The following ANKMY1 variants were observed in gnomAD, a reference collection of about 807,000 sequenced individuals.
The protein encoded by ANKMY1 is ankyrin repeat and MYND domain containing 1.
Under a neutral mutation model 102.0 loss-of-function variants are expected in ANKMY1, and 98 were observed. That is an observed-to-expected ratio of 0.96 (90% CI 0.82 to 1.14). ANKMY1 has a LOEUF of 1.14. Among genes scored for constraint, ANKMY1 ranks in the 50% most tolerant of loss-of-function variants. The pLI, the probability that ANKMY1 is intolerant of heterozygous loss-of-function variation, is 0.00. For missense variants in ANKMY1, 1,330 were observed against 1,347.6 expected, an observed-to-expected ratio of 0.99 and a Z score of 0.20; for synonymous variants, 582 against 559.9, an observed-to-expected ratio of 1.04 and a Z score of -0.56.
At chr2:240,561,042 C>G, upstream of ANKMY1, 1 of 1,516,168 alleles carries the variant, frequency 6.6e-7, no homozygotes. Context: ...GTACCTCATG[C>G]GGCACCGCGG....
intron 15 of ANKMY1, among the ~76,000 whole-genome samples, chr2:240,497,144 G>A (rs528898739): frequency 6.6e-6 from 1 of 151,478 alleles, no homozygotes; most frequent in Non-Finnish European, 1.5e-5. Context: ...GAATGGAGCC[G>A]CCACCTCCTC....
chr2:240,525,474 AG>A (rs1559325182), intron 7 of ANKMY1, among the ~76,000 whole-genome samples: 1 of 152,186 alleles, frequency 6.6e-6, no homozygotes. Context: ...GCTGCTATGC[AG>A]GAGATGAGTA....
rs1243150082 is a variant in ANKMY1, at chr2:240,498,195, A to G, written c.2806+1763T>C. On this transcript the variant is annotated intron_variant, in intron 15 of 17. Coordinates refer to ENST00000401804, the MANE Select transcript of ANKMY1 (RefSeq NM_001282771.3). ...GTTAGTATGTTTGTGTTGGGGGGGG[A>G]CATATGGGAGTGGCTTGTGGCTGTG... 3.8e-5 allele frequency among the ~76,000 whole-genome samples: 5 copies of G among 133,120 alleles called. No individual in the cohort carries two copies. In the South Asian group the frequency reaches 1.1e-3, roughly 29 times the overall value. 87.3% of individuals were successfully genotyped at this position (133,120 alleles called of 152,430 possible).
At chr2:240,549,856 T>G (rs562208710) in intron 4 of ANKMY1, among the ~76,000 whole-genome samples, 1 of 151,934 alleles carries the variant, frequency 6.6e-6, no homozygotes, top group African/African-American at 2.4e-5. Flanking sequence ...CATTAAAAAG[T>G]CAGGAAACAA....
chr2:240,558,116 G>T (rs898517133), upstream of ANKMY1: 26 of 406,216 alleles, frequency 6.4e-5, no homozygotes, highest in African/African-American at 5.7e-4. Context: ...GTGACTTCAG[G>T]GGCTTGGGGC....
chr2:240,548,358 G>T (rs1332902055), intron 4 of ANKMY1, among the ~76,000 whole-genome samples: 4 of 152,184 alleles, frequency 2.6e-5, no homozygotes, highest in African/African-American at 9.6e-5. Context: ...TTGATGGGAC[G>T]TATCTCAAAA....
At chr2:240,489,650 G>C (rs1392010059) in intron 15 of ANKMY1, among the ~76,000 whole-genome samples, 1 of 152,126 alleles carries the variant, frequency 6.6e-6, no homozygotes, top group Non-Finnish European at 1.5e-5. Context: ...TGAAAGTGCT[G>C]TTGGATGTGG....
chr2:240,501,276 T>G (rs565051973), intron 13 of ANKMY1, among the ~76,000 whole-genome samples: 2 of 152,222 alleles, frequency 1.3e-5, no homozygotes, highest in East Asian at 3.9e-4. Context: ...GCATGTGTGT[T>G]TGTGAGTGAG....
intron 4 of ANKMY1, among the ~76,000 whole-genome samples, chr2:240,549,759 G>GA (rs1242080650): frequency 6.6e-6 from 1 of 152,194 alleles, no homozygotes; most frequent in African/African-American, 2.4e-5. Context: ...AAAAACACAT[G>GA]AAAAAATGTT....
intron 2 of ANKMY1, 95 bp downstream of exon 2, chr2:240,557,095 G>T (rs2092426973): frequency 7.6e-7 from 1 of 1,319,522 alleles, no homozygotes; most frequent in Non-Finnish European, 9.9e-7. Flanking sequence ...GAGTAACACA[G>T]TTCAGGGATT....
chr2:240,529,637 A>G lies in ANKMY1; in HGVS notation c.481-128T>C. On this transcript the variant is annotated intron_variant, in intron 4 of 17. Transcript: ENST00000401804. This position sits in a 1 kb window ranked among gnomAD's most constrained non-coding sequence, Gnocchi z 4.2. ...CAAGAAATGCATGCATTCAGCCAGT[A>G]AACATCTCTGGAGGCTTAGGCTGTG... 1 of 927,748 alleles carries G rather than the reference A, an allele frequency of 1.1e-6. No individual in the cohort carries two copies. 57.5% of individuals were successfully genotyped at this position (927,748 alleles called of 1,614,324 possible). A position where few individuals can be genotyped will look rare whatever the true frequency, so the allele number is the denominator to read the frequency against.
chr2:240,510,752 G>A (rs529166226), intron 11 of ANKMY1, among the ~76,000 whole-genome samples: 13 of 151,276 alleles, frequency 8.6e-5, no homozygotes, highest in South Asian at 2.1e-4. Flanking sequence ...TGCTGCAGCC[G>A]TCACGCCTGC....
intron 4 of ANKMY1, among the ~76,000 whole-genome samples, chr2:240,541,950 C>T (rs2088965291): frequency 6.6e-6 from 1 of 152,080 alleles, no homozygotes; most frequent in South Asian, 2.1e-4. Flanking sequence ...TGGCTCACGC[C>T]TGTAATCCCA....
chr2:240,473,704 G>T, the ANKMY1 span, among the ~76,000 whole-genome samples: 3 of 152,216 alleles, frequency 2.0e-5, no homozygotes, highest in Non-Finnish European at 2.9e-5. Context: ...TTGATGCAAG[G>T]TTCAACATAT....
downstream of ANKMY1, among the ~76,000 whole-genome samples, chr2:240,475,504 C>T (rs528532440): frequency 7.9e-5 from 12 of 151,768 alleles, no homozygotes; most frequent in East Asian, 1.4e-3. Flanking sequence ...TAAATTTAAG[C>T]GAGGTAAAAG....
intron 4 of ANKMY1, among the ~76,000 whole-genome samples, chr2:240,539,992 A>G (rs1449654605): frequency 6.6e-6 from 1 of 152,256 alleles, no homozygotes; most frequent in African/African-American, 2.4e-5. Flanking sequence ...GACTCTCTAT[A>G]GCAATAAGAT....
chr2:240,486,430 ATTC>A (rs2076069631), intron 15 of ANKMY1, among the ~76,000 whole-genome samples: 5 of 152,352 alleles, frequency 3.3e-5, no homozygotes, highest in Admixed American at 2.6e-4. Context: ...ATGCATTTAT[ATTC>A]TTCTTTACAA....
intron 2 of ANKMY1, among the ~76,000 whole-genome samples, chr2:240,556,937 C>T (rs1233945142): frequency 6.6e-6 from 1 of 152,140 alleles, no homozygotes; most frequent in African/African-American, 2.4e-5. Flanking sequence ...ACGTTCCCTC[C>T]CTCCACTAGG....
At chr2:240,546,090 A>G (rs1201327908) in intron 4 of ANKMY1, among the ~76,000 whole-genome samples, 1 of 152,148 alleles carries the variant, frequency 6.6e-6, no homozygotes, top group African/African-American at 2.4e-5. Flanking sequence ...GAAGGAAAAA[A>G]TGTTAAGGGC....
Sources: allele counts gnomAD v4.1 joint callset (sites outside exome capture counted in the v4.1 genomes callset), GRCh38; gene constraint gnomAD v4.1.1; non-coding constraint Gnocchi (gnomAD v3.1); transcripts MANE v1.5; gene names NCBI Gene and HGNC (gene_info 2026-07-23, HGNC 2026-07-21).